The following TMEM243 variants were observed in gnomAD, a reference collection of about 807,000 sequenced individuals.
TMEM243 encodes the protein transmembrane protein 243, also known as MDR1 and mitochondrial taxol resistance associated.
TMEM243 carries 20 observed loss-of-function variants against 15.0 expected under a neutral mutation model. The observed-to-expected ratio is 1.33, with a 90% CI of 0.94 to 1.93. TMEM243 has a LOEUF of 1.93. Ranked by LOEUF, TMEM243 falls within the 30% of genes most tolerant of loss-of-function variation. The pLI, the probability that TMEM243 is intolerant of heterozygous loss-of-function variation, is 0.00. For synonymous variants in TMEM243, 72 were observed against 52.7 expected (o/e 1.37, Z -1.59); for missense variants, 156 against 142.1 (o/e 1.10, Z -0.50).
intron 1 of TMEM243, among the ~76,000 whole-genome samples, chr7:87,210,404 G>T (rs574578295): frequency 6.6e-6 from 1 of 152,294 alleles, no homozygotes; most frequent in East Asian, 1.9e-4. Flanking sequence ...AAAAGTCCAA[G>T]TCCAAAGTCT....
rs533694057 is a variant in TMEM243 at position 87,216,916 on chromosome 7, G to C, written c.78+2510C>G. On this transcript the variant is annotated intron_variant, in intron 1 of 3. Coordinates refer to ENST00000257637, the MANE Select transcript of TMEM243 (RefSeq NM_024315.4). ...GGAAACTACTTGTATGACTGAACACGTAACTGTCTCTGAGGGTTCCACTTC... is the reference window on the plus strand; with the variant it reads ...GGAAACTACTTGTATGACTGAACACCTAACTGTCTCTGAGGGTTCCACTTC... The C allele has an allele frequency of 5.9e-5, 9 of 152,296 alleles. No homozygotes were observed. In the South Asian group the frequency reaches 8.3e-4, roughly 14 times the overall value. The allele number at this position is 152,296 out of a possible 1,614,324, so 9.4% of individuals were successfully genotyped here.
intron 1 of TMEM243, chr7:87,216,915 C>G (rs566572507): frequency 6.6e-6 from 1 of 152,168 alleles, no homozygotes; most frequent in Non-Finnish European, 1.5e-5. Context: ...TGACTGAACA[C>G]GTAACTGTCT....
At chr7:87,211,068 A>C (rs1180445634) in intron 1 of TMEM243, among the ~76,000 whole-genome samples, 1 of 152,202 alleles carries the variant, frequency 6.6e-6, no homozygotes, top group Non-Finnish European at 1.5e-5. Flanking sequence ...GACAGGCCTC[A>C]GGGCCTGTAG....
At chr7:87,207,367 G>A (rs532793937) in intron 1 of TMEM243, among the ~76,000 whole-genome samples, 48 of 4,546 alleles carry the variant, frequency 0.011, 18 homozygotes, top group Middle Eastern at 0.5. Flanking sequence ...AGGCCGAGGC[G>A]GGCGGATCAC....
At chr7:87,214,793 C>T (rs1052838037) in intron 1 of TMEM243, among the ~76,000 whole-genome samples, 21 of 152,218 alleles carry the variant, frequency 1.4e-4, no homozygotes, top group African/African-American at 3.9e-4. Flanking sequence ...GATATTTTTT[C>T]GGGCTTTGGA....
rs150516950 is a variant in TMEM243, at chr7:87,216,441, G to A, written c.78+2985C>T. ...GATATGAGTTACAAAGTGAGACACT[G>A]CCTCAAAGACAAAAAAATCCCTTAG... On this transcript the variant is annotated intron_variant, in intron 1 of 3. Transcript: ENST00000257637. Among the ~76,000 whole-genome samples, 1,416 of 152,254 alleles carry A rather than the reference G, an allele frequency of 9.3e-3. 4 individuals carry two copies. The highest frequency in any genetic ancestry group is 0.016 in the Non-Finnish European group (1,056 of 68,010).
At chr7:87,197,774 AAGG>A in intron 3 of TMEM243, 164 bp downstream of exon 3, 1 of 1,459,408 alleles carries the variant, frequency 6.9e-7, no homozygotes, top group Non-Finnish European at 9.0e-7. Context: ...TTTAGGAGAA[AAGG>A]AGAAGACTCA....
chr7:87,213,813 G>A (rs1163086134), intron 1 of TMEM243, among the ~76,000 whole-genome samples: 2 of 151,384 alleles, frequency 1.3e-5, no homozygotes, highest in East Asian at 3.9e-4. Flanking sequence ...TGGGGATAAA[G>A]GAAGATACTT....
At chr7:87,205,525 C>T (rs1269881194) in intron 1 of TMEM243, among the ~76,000 whole-genome samples, 1 of 152,146 alleles carries the variant, frequency 6.6e-6, no homozygotes, top group Non-Finnish European at 1.5e-5. Flanking sequence ...GAAATTTCTT[C>T]TGCCAGATAC....
At chr7:87,211,089 G>A (rs965412676) in intron 1 of TMEM243, among the ~76,000 whole-genome samples, 2 of 152,220 alleles carry the variant, frequency 1.3e-5, no homozygotes, top group East Asian at 3.9e-4. Flanking sequence ...TGTGGGGGCT[G>A]CTGTGAAGCT....
chr7:87,199,926 T>C (rs1369261006), intron 1 of TMEM243, among the ~76,000 whole-genome samples: 2 of 152,162 alleles, frequency 1.3e-5, no homozygotes, highest in Non-Finnish European at 2.9e-5. Flanking sequence ...AAGTCAAAGC[T>C]GAGTCTTTAA....
Position 87,219,558 on chromosome 7 carries a change from C to G in TMEM243, c.-55G>C. ...CTTAAAAGCAAGACAGCATGACCTC[C>G]CGAGGTCTCAGGTCCACGACTGCAA... On this transcript the variant is annotated 5_prime_UTR_variant, in exon 1 of 4. Transcript: ENST00000257637. 1 of 1,518,428 alleles carries G rather than the reference C, an allele frequency of 6.6e-7. No homozygotes were observed. The highest frequency in any genetic ancestry group is 9.1e-7 in the Non-Finnish European group (1 of 1,095,566). The allele number at this position is 1,518,428 out of a possible 1,614,324, so 94.1% of individuals were successfully genotyped here.
At chr7:87,205,648 C>A (rs557592094) in intron 1 of TMEM243, among the ~76,000 whole-genome samples, 2 of 152,268 alleles carry the variant, frequency 1.3e-5, no homozygotes, top group Non-Finnish European at 2.9e-5. Flanking sequence ...CAGTTCCCAA[C>A]AAGTTCTTCA....
In TMEM243 at chr7:87,219,440, C is replaced by T. The variant is rs1803340363; in HGVS notation, c.64G>A (p.Glu22Lys). The T allele has an allele frequency of 1.2e-6, 2 of 1,614,218 alleles. No individual in the cohort carries two copies. The highest frequency in any genetic ancestry group is 1.7e-6 in the Non-Finnish European group (2 of 1,180,026). ...SGLDNRPLFG[E>K]TSAKDRIINL... ...TCCGCACTCACCTTGGCGGACGTCT[C>T]CCCAAACAGAGGTCTGTTGTCCAGG... is the stretch of plus-strand genomic sequence containing the variant. Residue 22 changes from glutamate (E) to lysine (K), a missense_variant, in exon 1 of 4, where the codon GAG (glutamate) becomes AAG (lysine). Glu to Lys is a moderately conservative substitution (Grantham distance 56). Transcript: ENST00000257637.
At chr7:87,197,612 G>T in intron 3 of TMEM243, 1 of 708,172 alleles carries the variant, frequency 1.4e-6, no homozygotes, top group Non-Finnish European at 2.1e-6. Flanking sequence ...CCCAAAGACT[G>T]TTGGCCCTTA....
chr7:87,197,387 C>T (rs912818890), intron 3 of TMEM243, among the ~76,000 whole-genome samples: 3 of 152,098 alleles, frequency 2.0e-5, no homozygotes, highest in Non-Finnish European at 4.4e-5. Context: ...TGAATGAACA[C>T]TGAGGAGCCA....
intron 1 of TMEM243, 33 bp downstream of exon 1, chr7:87,219,393 C>T (rs758791355): frequency 6.2e-7 from 1 of 1,606,854 alleles, no homozygotes; most frequent in Non-Finnish European, 8.5e-7. Flanking sequence ...GACACACCCC[C>T]CATCCCAGTC....
rs921626101 is a variant in TMEM243, at chr7:87,196,173, A to T, written c.*463T>A. ...AGAAAAAAAAACCCTTGTATAAATT[A>T]TTTTATTTATTATTGTAATTAGATC... On this transcript the variant is annotated 3_prime_UTR_variant, in exon 4 of 4. Coordinates refer to ENST00000257637, the MANE Select transcript of TMEM243 (RefSeq NM_024315.4). 1 of 153,320 alleles carries T rather than the reference A, an allele frequency of 6.5e-6. No homozygotes were observed. The highest frequency in any genetic ancestry group is 2.4e-5 in the African/African-American group (1 of 41,426). The allele number at this position is 153,320 out of a possible 1,614,324, so 9.5% of individuals were successfully genotyped here.
At chr7:87,201,258 C>CTTCTAA (rs1801786608) in intron 1 of TMEM243, among the ~76,000 whole-genome samples, 1 of 152,218 alleles carries the variant, frequency 6.6e-6, no homozygotes, top group Non-Finnish European at 1.5e-5. Context: ...AGCCCTCCTA[C>CTTCTAA]TTCTAATGCT....
Sources: gnomAD v4.1 joint callset for allele counts (sites outside exome capture counted in the v4.1 genomes callset) on GRCh38, gnomAD v4.1.1 for gene constraint, MANE v1.5 for transcripts, NCBI Gene and HGNC (gene_info 2026-07-23, HGNC 2026-07-21) for gene names.